Variants in RBM6 observed in about 807,000 individuals in gnomAD.
RBM6 encodes RNA binding motif protein 6.
A neutral mutation model predicts 140.4 loss-of-function variants in RBM6; 23 were observed. That is an observed-to-expected ratio of 0.16 (90% CI 0.12 to 0.23). The LOEUF (loss-of-function observed/expected upper bound fraction) is 0.23, where lower values mean the gene tolerates loss of function less well. Ranked by LOEUF, RBM6 falls within the 10% of genes least tolerant of loss-of-function variation. The pLI, the probability that RBM6 is intolerant of heterozygous loss-of-function variation, is 1.00. For missense variants in RBM6, 1,139 were observed against 1,386.7 expected (o/e 0.82, Z 2.84); for synonymous variants, 439 against 475.6 (o/e 0.92, Z 1.00).
At position 50,066,348 on chromosome 3, in the gene RBM6, C is replaced by G. The variant is rs1459476111; in HGVS notation, c.2789C>G (p.Thr930Arg). 3 of 1,613,956 alleles carry G rather than the reference C, an allele frequency of 1.9e-6. No individual in the cohort carries two copies. Among genetic ancestry groups the G allele is most frequent in the Non-Finnish European group, 1.7e-6 (2 of 1,180,044 alleles). ...CAGACCCCTCCCCCACAGCCCCGCA[C>G]AGCACAGCCCCAGAAGCGAGAGGAG... ...EEQTPPPQPR[T>R]AQPQKREEQT... The change falls in exon 17 of 21, where the codon ACA (threonine) becomes AGA (arginine). Residue 930 changes from threonine (T) to arginine (R), a missense_variant. Physicochemically the swap from Thr to Arg is moderately conservative, Grantham distance 71 (BLOSUM62 -1). Transcript: ENST00000266022.
chr3:49,991,304 C>G (rs547871605), intron 5 of RBM6, among the ~76,000 whole-genome samples: 42 of 152,118 alleles, frequency 2.8e-4, no homozygotes, highest in Non-Finnish European at 5.0e-4. Context: ...TCTCTGAGCC[C>G]TTTTGTGTAG....
intron 8 of RBM6, 133 bp downstream of exon 8, chr3:50,054,528 T>A: frequency 2.5e-6 from 2 of 788,404 alleles, no homozygotes; most frequent in Non-Finnish European, 2.1e-6. Flanking sequence ...TTTTTTGAGA[T>A]GGAGTCTCGC....
intron 16 of RBM6, chr3:50,065,576 T>G (rs2090096643): frequency 2.2e-6 from 1 of 457,274 alleles, no homozygotes; most frequent in Non-Finnish European, 4.4e-6. Flanking sequence ...GCCCATTTTT[T>G]AGATGCCTTC....
chr3:49,960,554 CT>C (rs996955086), intron 1 of RBM6, among the ~76,000 whole-genome samples: 33 of 152,184 alleles, frequency 2.2e-4, no homozygotes, highest in African/African-American at 7.9e-4. Context: ...TCTACTTTTT[CT>C]TTTAAAGTTC....
chr3:49,941,730 A>C (rs1412792460), intron 1 of RBM6, among the ~76,000 whole-genome samples: 1 of 150,788 alleles, frequency 6.6e-6, no homozygotes, highest in African/African-American at 2.4e-5. Context: ...ATGCCCAGCT[A>C]ATTTTTTGTA....
intron 1 of RBM6, among the ~76,000 whole-genome samples, chr3:49,957,064 A>C (rs1023715346): frequency 2.0e-5 from 3 of 152,080 alleles, no homozygotes; most frequent in Non-Finnish European, 4.4e-5. Context: ...CTCACTGCAG[A>C]CTTGGATTCC....
At chr3:49,999,121 C>T (rs962646642) in intron 5 of RBM6, among the ~76,000 whole-genome samples, 2 of 145,082 alleles carry the variant, frequency 1.4e-5, no homozygotes, top group Non-Finnish European at 3.0e-5. Flanking sequence ...TAAAATGTTT[C>T]GGGTCCCCAC....
intron 5 of RBM6, among the ~76,000 whole-genome samples, chr3:49,999,109 G>C (rs1277281348): frequency 6.7e-6 from 1 of 150,302 alleles, no homozygotes; most frequent in Non-Finnish European, 1.5e-5. Flanking sequence ...TTAGCCTGTG[G>C]TTAAAATGTT....
At chr3:49,942,428 G>T (rs550070236) in intron 1 of RBM6, among the ~76,000 whole-genome samples, 2 of 150,542 alleles carry the variant, frequency 1.3e-5, no homozygotes, top group South Asian at 2.1e-4. Context: ...GGCGGAGCTT[G>T]CAGTGAGCCG....
chr3:49,988,691 G>A (rs1575621955), intron 5 of RBM6, among the ~76,000 whole-genome samples: 1 of 152,168 alleles, frequency 6.6e-6, no homozygotes, highest in Non-Finnish European at 1.5e-5. Context: ...AAATCTGGCT[G>A]TGCATGGTGG....
At chr3:50,051,880 A>G (rs1008834777) in intron 7 of RBM6, among the ~76,000 whole-genome samples, 1 of 152,182 alleles carries the variant, frequency 6.6e-6, no homozygotes, top group African/African-American at 2.4e-5. Flanking sequence ...TGAAAATACT[A>G]TGCCAGACAC....
rs542148475 is a variant in RBM6 at position 50,038,787 on chromosome 3, C to T, written c.1558-9458C>T. The stretch of plus-strand genomic sequence containing the variant: ...GGAAGAGCTTGCAGTGAGCCGAGAT[C>T]GCGCCACTGCACTCCAGCCTAGGCA... On this transcript the variant is annotated intron_variant, in intron 6 of 20. Coordinates refer to ENST00000266022, the MANE Select transcript of RBM6 (RefSeq NM_005777.3). 8.1e-4 allele frequency among the ~76,000 whole-genome samples: 124 copies of T among 152,184 alleles called. 1 individual carries two copies. Among genetic ancestry groups the T allele is most frequent in the African/African-American group, 2.7e-3 (114 of 41,544 alleles).
chr3:50,017,626 ATTTG>A (rs1238019056), intron 6 of RBM6, among the ~76,000 whole-genome samples: 1 of 151,482 alleles, frequency 6.6e-6, no homozygotes, highest in Non-Finnish European at 1.5e-5. Flanking sequence ...TAATAGGGTT[ATTTG>A]TTTTCATTAT....
chr3:50,066,150 A>G (rs764704339), intron 16 of RBM6, 92 bp from the exon 17 acceptor site: 130 of 1,356,172 alleles, frequency 9.6e-5, no homozygotes, highest in Admixed American at 3.4e-4. Context: ...ACCCAATTCA[A>G]TGAAATGAGA....
intron 5 of RBM6, among the ~76,000 whole-genome samples, chr3:49,983,665 A>G (rs2085411877): frequency 6.6e-6 from 1 of 152,236 alleles, no homozygotes; most frequent in Non-Finnish European, 1.5e-5. Flanking sequence ...TTTACTTGTC[A>G]CATCTCTAAA....
At chr3:49,958,782 C>CTTTT (rs35853185) in intron 1 of RBM6, among the ~76,000 whole-genome samples, 3 of 114,352 alleles carry the variant, frequency 2.6e-5, no homozygotes, top group African/African-American at 3.3e-5. Context: ...TGAAGAATTC[C>CTTTT]TTTTTTTTTT....
chr3:50,032,024 A>G (rs1287781780), intron 6 of RBM6, among the ~76,000 whole-genome samples: 1 of 152,170 alleles, frequency 6.6e-6, no homozygotes, highest in African/African-American at 2.4e-5. Context: ...TTCAAGCATT[A>G]CTTCTAGTTA....
chr3:49,941,961 G>A (rs2083301325), intron 1 of RBM6, among the ~76,000 whole-genome samples: 2 of 151,548 alleles, frequency 1.3e-5, no homozygotes, highest in Admixed American at 6.6e-5. Flanking sequence ...TTAGCCAGGC[G>A]TGGTGGCATG....
At chr3:50,016,495 C>G (rs1315223646) in intron 6 of RBM6, among the ~76,000 whole-genome samples, 2 of 125,710 alleles carry the variant, frequency 1.6e-5, no homozygotes, top group Non-Finnish European at 3.4e-5. Context: ...TATGGTGATT[C>G]TCGTTTTAGT....
Sources: allele counts gnomAD v4.1 joint callset (sites outside exome capture counted in the v4.1 genomes callset), GRCh38; gene constraint gnomAD v4.1.1; transcripts MANE v1.5; gene names NCBI Gene and HGNC (gene_info 2026-07-23, HGNC 2026-07-21).